Variants in SLC44A5 observed in about 807,000 individuals in gnomAD.
SLC44A5 encodes choline transporter-like protein 5.
In SLC44A5, 57 loss-of-function variants were observed where a neutral mutation model predicts 101.8. That is an observed-to-expected ratio of 0.56 (90% CI 0.45 to 0.70). The LOEUF is 0.70. Among genes scored for constraint, SLC44A5 ranks in the 30% least tolerant of loss-of-function variants. The pLI, the probability that SLC44A5 is intolerant of heterozygous loss-of-function variation, is 0.00. For synonymous variants in SLC44A5, 281 were observed against 290.9 expected (o/e 0.97, Z 0.35); for missense variants, 737 against 853.1 (o/e 0.86, Z 1.70).
In SLC44A5 at chr1:75,409,413, C is replaced by T. The variant is rs202203535; in HGVS notation, c.14-12792G>A. On this transcript the variant is annotated intron_variant, in intron 2 of 23. Transcript: ENST00000370859. ...AAACCTGCACGTGTACTCCTTGAAT[C>T]TAATTTTTTTTAAAAAAGAAAGGTG... is the stretch of plus-strand genomic sequence containing the variant. Among the ~76,000 whole-genome samples the T allele has an allele frequency of 7.9e-5, 12 of 152,018 alleles. No homozygotes were observed. In the East Asian group the frequency reaches 2.3e-3, roughly 29 times the overall value.
At chr1:75,257,423 T>C (rs1355451526) in intron 6 of SLC44A5, among the ~76,000 whole-genome samples, 1 of 152,096 alleles carries the variant, frequency 6.6e-6, no homozygotes, top group Non-Finnish European at 1.5e-5. Context: ...ATAGATCACC[T>C]AAGCAAGAAT....
the SLC44A5 span, among the ~76,000 whole-genome samples, chr1:75,689,304 T>A: frequency 7.1e-6 from 1 of 140,996 alleles, no homozygotes; most frequent in East Asian, 3.7e-4. Flanking sequence ...AAAGGGGGTA[T>A]CAGGTTTCTC....
At chr1:75,402,696 A>T (rs541402602) in intron 2 of SLC44A5, among the ~76,000 whole-genome samples, 16 of 152,116 alleles carry the variant, frequency 1.1e-4, no homozygotes, top group Admixed American at 3.9e-4. Context: ...CAACCCACAG[A>T]TTAGGAGGTT....
intron 5 of SLC44A5, among the ~76,000 whole-genome samples, chr1:75,289,595 T>C (rs1653365442): frequency 6.6e-6 from 1 of 152,122 alleles, no homozygotes; most frequent in Non-Finnish European, 1.5e-5. Flanking sequence ...AGTAATATAT[T>C]AACTTCTGAT....
chr1:75,505,052 T>C (rs1669172455), intron 2 of SLC44A5, among the ~76,000 whole-genome samples: 1 of 152,106 alleles, frequency 6.6e-6, no homozygotes, highest in Admixed American at 6.6e-5. Context: ...TTTGTGTCCA[T>C]AGGTACCCAA....
chr1:75,421,668 G>C (rs1263772757), intron 2 of SLC44A5, among the ~76,000 whole-genome samples: 1 of 152,088 alleles, frequency 6.6e-6, no homozygotes, highest in African/African-American at 2.4e-5. Flanking sequence ...CTCTCAAAGA[G>C]CTAATTGCTG....
At chr1:75,368,006 T>A (rs1380951664) in intron 3 of SLC44A5, among the ~76,000 whole-genome samples, 1 of 152,248 alleles carries the variant, frequency 6.6e-6, no homozygotes, top group South Asian at 2.1e-4. Context: ...CATTGATTGT[T>A]TTTGGAAAAG....
chr1:75,559,386 G>T (rs1020066395), intron 1 of SLC44A5, among the ~76,000 whole-genome samples: 2 of 152,114 alleles, frequency 1.3e-5, no homozygotes, highest in African/African-American at 4.8e-5. Flanking sequence ...AATGCACCAT[G>T]ACTGAGGGAA....
chr1:75,570,092 C>T (rs946363986), intron 1 of SLC44A5, among the ~76,000 whole-genome samples: 1 of 152,166 alleles, frequency 6.6e-6, no homozygotes, highest in Non-Finnish European at 1.5e-5. Flanking sequence ...TTGTTGAAGG[C>T]TGATGGGAGG....
intron 1 of SLC44A5, among the ~76,000 whole-genome samples, chr1:75,601,734 C>T (rs1402717886): frequency 6.6e-6 from 1 of 152,114 alleles, no homozygotes; most frequent in Non-Finnish European, 1.5e-5. Context: ...GAAAATCTTG[C>T]ATCTTTATTT....
rs1343020979 is a variant in SLC44A5 at position 75,202,519 on chromosome 1, T to C, written c.*1208A>G. 2 of 152,168 alleles carry C rather than the reference T, an allele frequency of 1.3e-5. No homozygotes were observed. The highest frequency in any genetic ancestry group is 1.3e-4 in the Admixed American group (2 of 15,274). 9.4% of individuals were successfully genotyped at this position (152,168 alleles called of 1,614,324 possible). ...TAATTTCCTTAAAAGTTAGTAGTAC[T>C]GGTAAAATTATTTAAAACTGAATTG... is the stretch of plus-strand genomic sequence containing the variant. On this transcript the variant is annotated 3_prime_UTR_variant, in exon 24 of 24. Transcript: ENST00000370859.
intron 3 of SLC44A5, among the ~76,000 whole-genome samples, chr1:75,388,533 C>G (rs1661559277): frequency 6.6e-6 from 1 of 152,096 alleles, no homozygotes; most frequent in Non-Finnish European, 1.5e-5. Context: ...GTAATTCCAG[C>G]ACTTTGGGAG....
chr1:75,543,434 G>A (rs904447343), intron 1 of SLC44A5, among the ~76,000 whole-genome samples: 2 of 151,756 alleles, frequency 1.3e-5, no homozygotes, highest in Non-Finnish European at 2.9e-5. Flanking sequence ...TGTATTCTCT[G>A]CTAACTTTTT....
chr1:75,314,033 T>C (rs1048041291), intron 4 of SLC44A5, among the ~76,000 whole-genome samples: 1 of 152,206 alleles, frequency 6.6e-6, no homozygotes, highest in Non-Finnish European at 1.5e-5. Context: ...AGGTGAATGA[T>C]GATATTAATT....
chr1:75,255,946 C>A (rs1019904888), intron 6 of SLC44A5, among the ~76,000 whole-genome samples: 10 of 151,904 alleles, frequency 6.6e-5, no homozygotes, highest in Non-Finnish European at 1.3e-4. Context: ...GATGAAGAGA[C>A]AAAGAAGACA....
chr1:75,612,887 T>A (rs549348592), upstream of SLC44A5, among the ~76,000 whole-genome samples: 2 of 152,358 alleles, frequency 1.3e-5, no homozygotes, highest in East Asian at 3.9e-4. Context: ...GTATTGATTA[T>A]GAACTATAGC....
At chr1:75,722,639 T>C in the SLC44A5 span, among the ~76,000 whole-genome samples, 2 of 152,168 alleles carry the variant, frequency 1.3e-5, no homozygotes, top group South Asian at 2.1e-4. Context: ...ACCCAAAAAA[T>C]AGGAAGGGCT....
At chr1:75,234,225 A>G in intron 11 of SLC44A5, 127 bp from the exon 12 acceptor site, 1 of 675,796 alleles carries the variant, frequency 1.5e-6, no homozygotes, top group Non-Finnish European at 2.6e-6. Context: ...TGGCTATAGA[A>G]ACATTAATAA....
At chr1:75,466,400 T>C (rs1666817818) in intron 2 of SLC44A5, among the ~76,000 whole-genome samples, 1 of 152,190 alleles carries the variant, frequency 6.6e-6, no homozygotes, top group African/African-American at 2.4e-5. Context: ...CTCATGCCTG[T>C]AATCCCAGCA....
Sources: gnomAD v4.1 joint callset for allele counts (sites outside exome capture counted in the v4.1 genomes callset) on GRCh38, gnomAD v4.1.1 for gene constraint, MANE v1.5 for transcripts, NCBI Gene and HGNC (gene_info 2026-07-23, HGNC 2026-07-21) for gene names.